Variants in JMJD1C observed in about 807,000 individuals in gnomAD.
JMJD1C encodes the protein jumonji domain-containing protein 1C.
Under a neutral mutation model 245.3 loss-of-function variants are expected in JMJD1C, and 31 were observed. The observed-to-expected ratio is 0.13, with a 90% CI of 0.09 to 0.17. The LOEUF (loss-of-function observed/expected upper bound fraction) is 0.17. Among genes scored for constraint, JMJD1C ranks in the 10% least tolerant of loss-of-function variants. JMJD1C has a pLI of 1.00. For synonymous variants in JMJD1C, 1,057 were observed against 1,017.4 expected, an observed-to-expected ratio of 1.04 and a Z score of -0.74; for missense variants, 2,691 against 3,000.2, an observed-to-expected ratio of 0.90 and a Z score of 2.41.
intron 1 of JMJD1C, among the ~76,000 whole-genome samples, chr10:63,436,606 T>G (rs921829008): frequency 6.6e-6 from 1 of 152,224 alleles, no homozygotes; most frequent in Non-Finnish European, 1.5e-5. Flanking sequence ...TCCTAGTTTC[T>G]GTCCAATAAT....
chr10:63,495,752 C>T (rs1396393199), intron 1 of JMJD1C, among the ~76,000 whole-genome samples: 3 of 91,180 alleles, frequency 3.3e-5, no homozygotes, highest in African/African-American at 6.7e-5. Flanking sequence ...CAACTCCTAA[C>T]TCAAAAAAAA....
chr10:63,362,469 TTATTTATATA>T (rs961622245), intron 2 of JMJD1C, among the ~76,000 whole-genome samples: 123 of 75,094 alleles, frequency 1.6e-3, no homozygotes, highest in Middle Eastern at 6.3e-3. Flanking sequence ...ATATATATAT[TTATTTATATA>T]TATATTTATT....
At position 63,518,640 on chromosome 10, in the gene JMJD1C, T is replaced by C. The variant is rs529481101; in HGVS notation, n.113+3098A>G. Among the ~76,000 whole-genome samples, 66 of 152,344 alleles carry C rather than the reference T, an allele frequency of 4.3e-4. 1 individual carries two copies. The highest frequency in any genetic ancestry group is 4.2e-3 in the Admixed American group (65 of 15,300). ...TAAAATTCAGTCTCAGTTAAAATCA[T>C]GATGCAAGATGGAGGTTCCAGGCTT... On this transcript the variant is annotated intron_variant and non_coding_transcript_variant, in intron 1 of 3. Coordinates refer to the JMJD1C transcript ENST00000633035.
intron 2 of JMJD1C, among the ~76,000 whole-genome samples, chr10:63,293,437 C>A (rs1443862878): frequency 1.3e-5 from 2 of 152,162 alleles, no homozygotes; most frequent in African/African-American, 2.4e-5. Flanking sequence ...CTTTTACTTA[C>A]CACTTACATT....
intron 2 of JMJD1C, among the ~76,000 whole-genome samples, chr10:63,298,897 T>C (rs1859755014): frequency 6.6e-6 from 1 of 151,952 alleles, no homozygotes; most frequent in Non-Finnish European, 1.5e-5. Flanking sequence ...CACGCCTGGC[T>C]TTTTTGTATT....
At chr10:63,395,807 C>T (rs1948447081) in intron 1 of JMJD1C, among the ~76,000 whole-genome samples, 1 of 151,970 alleles carries the variant, frequency 6.6e-6, no homozygotes, top group South Asian at 2.1e-4. Context: ...AGATGAATTT[C>T]TAATGTTTTA....
chr10:63,173,956 T>C (rs1468158233), intron 24 of JMJD1C, among the ~76,000 whole-genome samples: 2 of 152,140 alleles, frequency 1.3e-5, no homozygotes, highest in Non-Finnish European at 2.9e-5. Context: ...CAATGTTTAG[T>C]CATTAAGAAA....
At chr10:63,510,902 G>A (rs56189325) in intron 1 of JMJD1C, among the ~76,000 whole-genome samples, 3,253 of 152,208 alleles carry the variant, frequency 0.021, 116 homozygotes, top group African/African-American at 0.073. Flanking sequence ...AAGAATTGTT[G>A]TATCTTCTTG....
At chr10:63,510,681 G>A (rs1446982207) in intron 1 of JMJD1C, among the ~76,000 whole-genome samples, 1 of 152,174 alleles carries the variant, frequency 6.6e-6, no homozygotes, top group Non-Finnish European at 1.5e-5. Flanking sequence ...ATTTGAAGTA[G>A]TCTATAGATG....
chr10:63,305,372 AAAAAC>A (rs1351637738), intron 2 of JMJD1C, among the ~76,000 whole-genome samples: 14 of 85,870 alleles, frequency 1.6e-4, no homozygotes, highest in Non-Finnish European at 2.7e-4. Context: ...ACCTCAAAAA[AAAAAC>A]AAAAAACAAA....
intron 1 of JMJD1C, among the ~76,000 whole-genome samples, chr10:63,395,394 C>T (rs1395123753): frequency 3.3e-5 from 5 of 152,096 alleles, no homozygotes; most frequent in Admixed American, 6.5e-5. Flanking sequence ...AGGAGAATGG[C>T]GTGAACCCAG....
chr10:63,311,642 A>T (rs2134050911), intron 2 of JMJD1C, among the ~76,000 whole-genome samples: 1 of 152,358 alleles, frequency 6.6e-6, no homozygotes, highest in African/African-American at 2.4e-5. Context: ...TCTGAAAAAA[A>T]TACAATTTAT....
At chr10:63,417,973 A>C (rs1320061098) in intron 1 of JMJD1C, among the ~76,000 whole-genome samples, 2 of 152,244 alleles carry the variant, frequency 1.3e-5, no homozygotes, top group African/African-American at 4.8e-5. Context: ...GAGGCTTAAA[A>C]CTTAATTCTA....
chr10:63,261,103 G>A (rs1201077753), intron 3 of JMJD1C, among the ~76,000 whole-genome samples: 1 of 152,126 alleles, frequency 6.6e-6, no homozygotes, highest in African/African-American at 2.4e-5. Context: ...TGTGCACAGG[G>A]AAGGAGAAAG....
intron 1 of JMJD1C, among the ~76,000 whole-genome samples, chr10:63,437,038 G>A (rs1388679091): frequency 1.3e-5 from 2 of 152,168 alleles, no homozygotes; most frequent in South Asian, 4.2e-4. Context: ...TCTATCATTA[G>A]AGTAATTCAT....
intron 1 of JMJD1C, among the ~76,000 whole-genome samples, chr10:63,498,597 C>T (rs1286223848): frequency 6.6e-6 from 1 of 151,384 alleles, no homozygotes; most frequent in Admixed American, 6.6e-5. Flanking sequence ...GGGGCCCCGA[C>T]CCTACACCCC....
intron 1 of JMJD1C, among the ~76,000 whole-genome samples, chr10:63,480,989 C>T (rs1168533047): frequency 6.6e-6 from 1 of 152,158 alleles, no homozygotes; most frequent in African/African-American, 2.4e-5. Flanking sequence ...ATTATAGACT[C>T]ATCAGAACTA....
intron 2 of JMJD1C, chr10:63,269,256 G>A: frequency 1.0e-6 from 1 of 969,242 alleles, no homozygotes; most frequent in Non-Finnish European, 1.2e-6. Context: ...GAGAAGGGAA[G>A]AGGCGGTGCT....
chr10:63,454,608 T>A (rs1444020796), intron 1 of JMJD1C, among the ~76,000 whole-genome samples: 1 of 152,120 alleles, frequency 6.6e-6, no homozygotes, highest in East Asian at 1.9e-4. Context: ...TTTTTGCATT[T>A]TTAGTAGAGA....
Sources: allele counts gnomAD v4.1 joint callset (sites outside exome capture counted in the v4.1 genomes callset), GRCh38; gene constraint gnomAD v4.1.1; transcripts MANE v1.5; gene names NCBI Gene and HGNC (gene_info 2026-07-23, HGNC 2026-07-21).